The following MALRD1 variants were observed in gnomAD, a reference collection of about 807,000 sequenced individuals.
The protein encoded by MALRD1 is MAM and LDL receptor class A domain containing 1.
In MALRD1, 247 loss-of-function variants were observed where a neutral mutation model predicts 242.1. The observed-to-expected ratio is 1.02, with a 90% CI of 0.92 to 1.13. The LOEUF (loss-of-function observed/expected upper bound fraction) is 1.13. Ranked by LOEUF, MALRD1 falls within the 50% of genes most tolerant of loss-of-function variation. MALRD1 has a pLI of 0.00. For missense variants in MALRD1, 2,989 were observed against 2,533.1 expected (o/e 1.18, Z -3.86); for synonymous variants, 995 against 866.6 (o/e 1.15, Z -2.60).
At position 19,387,704 on chromosome 10, in the gene MALRD1, TG is replaced by T. The variant is rs1846146906; in HGVS notation, c.4621del (p.Val1541PhefsTer2). On this transcript the variant is annotated frameshift_variant, in exon 27 of 40. Transcript: ENST00000454679. LOFTEE classifies it high-confidence loss of function. The part of the protein sequence containing the change: ...WQNSQADNFD[W>X]VLGVGSHQSL... Reference sequence around the variant, plus strand: ...AAACTCCCAGGCTGACAACTTTGATTGGGTTTTAGGGGTTGGCTCTCATCAA... The same window carrying T: ...AAACTCCCAGGCTGACAACTTTGATTGGTTTTAGGGGTTGGCTCTCATCAA... The T allele has an allele frequency of 6.5e-7, 1 of 1,550,372 alleles. No homozygotes were observed. Among genetic ancestry groups the T allele is most frequent in the African/African-American group, 1.4e-5 (1 of 73,134 alleles).
At chr10:19,429,611 T>C (rs2486052) in intron 28 of MALRD1, among the ~76,000 whole-genome samples, 101,717 of 151,896 alleles carry the variant, frequency 0.67, 34,195 homozygotes, top group Non-Finnish European at 0.71. Flanking sequence ...ACTCAGAGCC[T>C]GTGTCCAGTT....
At chr10:19,456,223 G>GA (rs369014028) in intron 29 of MALRD1, among the ~76,000 whole-genome samples, 1 of 151,148 alleles carries the variant, frequency 6.6e-6, no homozygotes, top group Non-Finnish European at 1.5e-5. Context: ...ATTATGAAAA[G>GA]AAAAAAAATA....
chr10:19,114,190 T>C (rs930983951), intron 5 of MALRD1, among the ~76,000 whole-genome samples: 2 of 152,306 alleles, frequency 1.3e-5, no homozygotes, highest in Middle Eastern at 3.4e-3. Context: ...AGCTAAGTCC[T>C]CAAACTATAT....
chr10:19,465,168 G>A (rs1167694881), intron 29 of MALRD1, among the ~76,000 whole-genome samples: 1 of 152,066 alleles, frequency 6.6e-6, no homozygotes, highest in East Asian at 1.9e-4. Flanking sequence ...GTGACAGTTT[G>A]ACTTCCTCCT....
At chr10:19,330,935 T>C (rs1843335016) in intron 23 of MALRD1, among the ~76,000 whole-genome samples, 1 of 152,178 alleles carries the variant, frequency 6.6e-6, no homozygotes, top group Non-Finnish European at 1.5e-5. Context: ...ATCTGATGAA[T>C]GACAAGAATT....
chr10:19,283,443 C>T (rs1009646256), intron 21 of MALRD1, among the ~76,000 whole-genome samples: 11 of 152,088 alleles, frequency 7.2e-5, no homozygotes, highest in African/African-American at 2.4e-4. Flanking sequence ...TTTGAAAAGC[C>T]CTGTTAGTAT....
chr10:19,309,771 C>CTGT lies in MALRD1; in HGVS notation c.3420-14178_3420-14177insTGT, dbSNP rs1842353535. Among the ~76,000 whole-genome samples the CTGT allele has an allele frequency of 6.6e-5, 10 of 151,514 alleles. No homozygotes were observed. The South Asian group carries it at 2.1e-3, about 31-fold the overall frequency. ...GTAACCTGTGACAGAATGGTAGGCT[C>CTGT]CATGGGGAAAAATGAGATAGGTAAA... is the stretch of plus-strand genomic sequence containing the variant. On this transcript the variant is annotated intron_variant, in intron 21 of 39. Coordinates refer to ENST00000454679, the MANE Select transcript of MALRD1 (RefSeq NM_001142308.3).
At chr10:19,474,981 C>T (rs912078160) in intron 29 of MALRD1, among the ~76,000 whole-genome samples, 43 of 152,186 alleles carry the variant, frequency 2.8e-4, no homozygotes, top group Non-Finnish European at 4.1e-4. Flanking sequence ...TAAATGTTTA[C>T]GTACCGCTTC....
chr10:19,173,092 A>C (rs1835081416), intron 13 of MALRD1, among the ~76,000 whole-genome samples: 1 of 151,966 alleles, frequency 6.6e-6, no homozygotes, highest in African/African-American at 2.4e-5. Context: ...CCCACCATAG[A>C]TTTTATCTTG....
Position 19,454,724 on chromosome 10 carries a change from A to ACACACG in MALRD1, c.5029+4239_5029+4240insGCACAC, listed in dbSNP as rs775084402. On this transcript the variant is annotated intron_variant, in intron 29 of 39. Transcript: ENST00000454679. ...TGTCCGTGCACACGTACACACACAC[A>ACACACG]CACACACACACACACACACACACAC... Among the ~76,000 whole-genome samples, 282 of 136,496 alleles carry ACACACG rather than the reference A, an allele frequency of 2.1e-3. 4 individuals carry two copies. The highest frequency in any genetic ancestry group is 0.014 in the East Asian group (61 of 4,404). The allele number at this position is 136,496 out of a possible 152,430, so 89.5% of individuals were successfully genotyped here.
intron 4 of MALRD1, among the ~76,000 whole-genome samples, chr10:19,101,648 A>G (rs532865248): frequency 4.3e-4 from 58 of 135,478 alleles, no homozygotes; most frequent in Admixed American, 1.3e-3. Flanking sequence ...TATACAATAC[A>G]TATACTATAG....
chr10:19,310,966 T>C (rs905353475), intron 21 of MALRD1, among the ~76,000 whole-genome samples: 2 of 151,486 alleles, frequency 1.3e-5, no homozygotes, highest in Non-Finnish European at 3.0e-5. Context: ...TTAGTCAACA[T>C]CTATTTTAGT....
chr10:19,129,981 C>T (rs1833032356), intron 8 of MALRD1, among the ~76,000 whole-genome samples: 1 of 151,058 alleles, frequency 6.6e-6, no homozygotes, highest in African/African-American at 2.4e-5. Context: ...CATATACACA[C>T]ATATAGATAT....
chr10:19,060,238 T>C (rs1834783117), intron 1 of MALRD1, among the ~76,000 whole-genome samples: 1 of 150,468 alleles, frequency 6.6e-6, no homozygotes, highest in Non-Finnish European at 1.5e-5. Context: ...TGCAGTTGTT[T>C]TATGTACGTT....
At chr10:19,655,640 A>T (rs761317112) in intron 36 of MALRD1, among the ~76,000 whole-genome samples, 1 of 150,692 alleles carries the variant, frequency 6.6e-6, no homozygotes, top group Non-Finnish European at 1.5e-5. Flanking sequence ...AGATATATCT[A>T]GACATACGAC....
chr10:19,203,729 T>A lies in MALRD1; in HGVS notation c.1953T>A (p.Phe651Leu), dbSNP rs1836655856. The A allele has an allele frequency of 5.9e-6, 9 of 1,531,832 alleles. No individual in the cohort carries two copies. The East Asian group carries it at 2.2e-4, about 38-fold the overall frequency. 94.9% of individuals were successfully genotyped at this position (1,531,832 alleles called of 1,614,324 possible). ...AAGAGCCACATTTTTGTTCTTCAGT[T>A]TCCAAGTGTGACTTTGAAGCAAACA... is the stretch of plus-strand genomic sequence containing the variant. ...SLPRTSTQSK[F>L]SKCDFEANSC... is the part of the protein sequence containing the mutation. The change falls in exon 15 of 40, where the codon TTT becomes TTA. Residue 651 changes from phenylalanine (F) to leucine (L), a missense_variant and splice_region_variant. Coordinates refer to ENST00000454679, the MANE Select transcript of MALRD1 (RefSeq NM_001142308.3).
chr10:19,256,745 G>A (rs895031964), intron 18 of MALRD1, among the ~76,000 whole-genome samples: 10 of 152,076 alleles, frequency 6.6e-5, no homozygotes, highest in African/African-American at 2.4e-4. Context: ...TAAGGAGAAT[G>A]TCAACAAATA....
chr10:19,668,463 A>G (rs1357600266), intron 36 of MALRD1, among the ~76,000 whole-genome samples: 3 of 152,184 alleles, frequency 2.0e-5, no homozygotes, highest in African/African-American at 7.2e-5. Context: ...TCAGGGCTTT[A>G]GTCATCAATG....
Position 19,270,807 on chromosome 10 carries a change from A to ACAC in MALRD1, c.3080-9240_3080-9239insCAC, listed in dbSNP as rs1840192830. Among the ~76,000 whole-genome samples, 167 of 145,140 alleles carry ACAC rather than the reference A, an allele frequency of 1.2e-3. 2 individuals are homozygous for ACAC. Among genetic ancestry groups the ACAC allele is most frequent in the African/African-American group, 4.0e-3 (157 of 39,070 alleles). Reference sequence around the variant, plus strand: ...AGGGTTAAGATGGCATTCAAAGGATAACACACACACACACACACACACACA... The same window carrying ACAC: ...AGGGTTAAGATGGCATTCAAAGGATACACACACACACACACACACACACACACA... On this transcript the variant is annotated intron_variant, in intron 19 of 39. Transcript: ENST00000454679.
Sources: allele counts gnomAD v4.1 joint callset (sites outside exome capture counted in the v4.1 genomes callset), GRCh38; gene constraint gnomAD v4.1.1; transcripts MANE v1.5; gene names NCBI Gene and HGNC (gene_info 2026-07-23, HGNC 2026-07-21).